ABCA12: variants seen among roughly 807,000 people sequenced by gnomAD.
ABCA12 encodes the protein ATP binding cassette subfamily A member 12, also known as glucosylceramide transporter ABCA12.
ABCA12 carries 156 observed loss-of-function variants against 293.5 expected under a neutral mutation model. The ratio of observed to expected loss-of-function variants is 0.53; its 90% CI spans 0.47 to 0.61. The LOEUF is 0.61. Among genes scored for constraint, ABCA12 ranks in the 20% least tolerant of loss-of-function variants. The probability of loss-of-function intolerance (pLI) is 0.00; values close to 1 mark genes in which losing one functional copy is unlikely to be tolerated. For missense variants in ABCA12, 2,797 were observed against 3,090.2 expected (o/e 0.91, Z 2.25); for synonymous variants, 1,063 against 1,108.0 (o/e 0.96, Z 0.81).
intron 2 of ABCA12, among the ~76,000 whole-genome samples, chr2:215,075,989 GT>G (rs1284511596): frequency 6.6e-6 from 1 of 152,174 alleles, no homozygotes; most frequent in Non-Finnish European, 1.5e-5. Context: ...CTCCTCAACA[GT>G]TTGTGTAATA....
chr2:214,975,799 C>T lies in ABCA12; in HGVS notation c.5367G>A (p.Gln1789=). 3.1e-6 allele frequency: 5 copies of T among 1,613,874 alleles called. No homozygotes were observed. The highest frequency in any genetic ancestry group is 4.2e-6 in the Non-Finnish European group (5 of 1,179,964). The change falls in exon 34 of 53, where the codon CAG becomes CAA. Residue 1789 remains glutamine, a synonymous_variant. Coordinates refer to ENST00000272895, the MANE Select transcript of ABCA12 (RefSeq NM_173076.3). ...ISPSLYGTSE[Q]TAFYANYHPS... ...AAGAAACTTACGCATAGAAGGCTGT[C>T]TGTTCGGAGGTACCATAAAGAGAGG...
intron 47 of ABCA12, 127 bp from the exon 48 acceptor site, chr2:214,947,683 GA>G (rs1427562206): frequency 1.9e-6 from 2 of 1,027,134 alleles, no homozygotes; most frequent in African/African-American, 1.6e-5. Context: ...GGAAAAAAAT[GA>G]AAACACTTAA....
At chr2:215,134,646 CAGAGAGAGAG>C (rs71399174) in intron 1 of ABCA12, among the ~76,000 whole-genome samples, 15 of 93,286 alleles carry the variant, frequency 1.6e-4, no homozygotes, top group Middle Eastern at 6.2e-3. Context: ...GAGAGACAAA[CAGAGAGAGAG>C]AGAGAGAGAG....
chr2:215,052,522 T>C lies in ABCA12; in HGVS notation c.472A>G (p.Ser158Gly). 1 of 1,612,768 alleles carries C rather than the reference T, an allele frequency of 6.2e-7. No individual in the cohort carries two copies. The highest frequency in any genetic ancestry group is 8.5e-7 in the Non-Finnish European group (1 of 1,179,052). The change falls in exon 5 of 53, where the codon AGT becomes GGT. Residue 158 changes from serine (S) to glycine (G), a missense_variant. Ser to Gly is a moderately conservative substitution (Grantham distance 56). This residue lies in a region of ABCA12 where 656 missense variants were observed against 638.2 expected (regional missense o/e 1.03). Coordinates refer to ENST00000272895, the MANE Select transcript of ABCA12 (RefSeq NM_173076.3). ...CCAAGAATTCGTGCGAGCACTTGAC[T>C]GCCATTGAAAGTATATGTTCCGGGG... is the stretch of plus-strand genomic sequence containing the variant. The part of the protein sequence containing the change: ...EIPGTYTFNG[S>G]QVLARILGLE...
chr2:214,933,857 A>G (rs1161107547), intron 52 of ABCA12, among the ~76,000 whole-genome samples: 1 of 152,164 alleles, frequency 6.6e-6, no homozygotes, highest in Non-Finnish European at 1.5e-5. Context: ...ATGGGTACAG[A>G]TGTCTTATCA....
At chr2:215,089,661 T>C (rs1165666363) in intron 2 of ABCA12, among the ~76,000 whole-genome samples, 2 of 152,182 alleles carry the variant, frequency 1.3e-5, no homozygotes, top group Non-Finnish European at 2.9e-5. Context: ...TCAGAGGATT[T>C]TTATCCATTG....
chr2:214,972,816 G>A (rs559071992), intron 36 of ABCA12, among the ~76,000 whole-genome samples: 2 of 152,100 alleles, frequency 1.3e-5, no homozygotes, highest in East Asian at 3.9e-4. Context: ...AGCTAAATTA[G>A]ATAAAGGATT....
chr2:214,996,637 C>A (rs1401959267), intron 23 of ABCA12, among the ~76,000 whole-genome samples: 1 of 152,088 alleles, frequency 6.6e-6, no homozygotes, highest in Middle Eastern at 3.2e-3. Context: ...CAAATTATAA[C>A]TGAAATATAA....
In ABCA12 at chr2:214,934,133, T is replaced by C; in HGVS notation, c.7625A>G (p.Asn2542Ser). The C allele has an allele frequency of 6.2e-7, 1 of 1,613,832 alleles. No homozygotes were observed. The highest frequency in any genetic ancestry group is 8.5e-7 in the Non-Finnish European group (1 of 1,179,808). The change falls in exon 52 of 53, where the codon AAC (asparagine) becomes AGC (serine). Residue 2542 changes from asparagine to serine, a missense_variant. Coordinates refer to ENST00000272895, the MANE Select transcript of ABCA12 (RefSeq NM_173076.3). ...ATTTGTAATATTTAAAGCAGTCTTGTTGGTTTCCAGCAGATCAAAAATGTT... is the reference window on the plus strand; with the variant it reads ...ATTTGTAATATTTAAAGCAGTCTTGCTGGTTTCCAGCAGATCAAAAATGTT... ...VANIFDLLETNKTALNITNFL... is the reference protein window; with the variant it reads ...VANIFDLLETSKTALNITNFL...
At position 214,932,714 on chromosome 2, in the gene ABCA12, T is replaced by TA; in HGVS notation, c.7707_7708insT (p.Lys2570Ter). Reference sequence around the variant, plus strand: ...CTGGTATCAGCAGTTTCATAGGACTTCTGGTCTTTGGCAAAGTTGATGAAA... The same window carrying TA: ...CTGGTATCAGCAGTTTCATAGGACTTACTGGTCTTTGGCAAAGTTGATGAAA... On this transcript the variant is annotated frameshift_variant, in exon 53 of 53. Transcript: ENST00000272895. LOFTEE classifies it high-confidence loss of function. 1 of 1,613,636 alleles carries TA rather than the reference T, an allele frequency of 6.2e-7. No homozygotes were observed. Among genetic ancestry groups the TA allele is most frequent in the Non-Finnish European group, 8.5e-7 (1 of 1,179,726 alleles).
At chr2:215,009,215 A>C (rs943406606) in intron 18 of ABCA12, among the ~76,000 whole-genome samples, 13 of 152,162 alleles carry the variant, frequency 8.5e-5, no homozygotes, top group African/African-American at 3.1e-4. Flanking sequence ...TTAGCAAACC[A>C]ACACAGGAAT....
rs775668709 is a variant in ABCA12 at position 215,019,629 on chromosome 2, G to T, written c.1455C>A (p.Ala485=). Residue 485 remains alanine (A), a synonymous_variant, in exon 12 of 53, where the codon GCC becomes GCA. Coordinates refer to ENST00000272895, the MANE Select transcript of ABCA12 (RefSeq NM_173076.3). ...EAAELGTEIA[A]SLLYHDNVIS... ...TGACATTGTCATGGTACAGTAAGCTGGCTGCTATTTCGGTGCCCAGCTCTG... is the reference window on the plus strand; with the variant it reads ...TGACATTGTCATGGTACAGTAAGCTTGCTGCTATTTCGGTGCCCAGCTCTG... 3.0e-5 allele frequency: 49 copies of T among 1,614,008 alleles called. No individual in the cohort carries two copies. Among genetic ancestry groups the T allele is most frequent in the Non-Finnish European group, 3.6e-5 (43 of 1,180,042 alleles).
intron 22 of ABCA12, chr2:214,999,669 A>G (rs902395561): frequency 6.8e-6 from 2 of 296,112 alleles, no homozygotes; most frequent in African/African-American, 4.5e-5. Flanking sequence ...GACCCCATAG[A>G]TCTTTATAAT....
intron 30 of ABCA12, among the ~76,000 whole-genome samples, chr2:214,980,954 G>C (rs545884444): frequency 6.6e-6 from 1 of 151,916 alleles, no homozygotes; most frequent in Non-Finnish European, 1.5e-5. Flanking sequence ...GTGTGGTGGC[G>C]GATGCCTATA....
chr2:215,044,060 C>T (rs1329143694), intron 7 of ABCA12, among the ~76,000 whole-genome samples: 1 of 141,606 alleles, frequency 7.1e-6, no homozygotes, highest in Non-Finnish European at 1.5e-5. Flanking sequence ...ATTTGTTTTG[C>T]CATTTTTTTA....
chr2:214,953,775 T>C (rs1054175934), intron 44 of ABCA12, 79 bp downstream of exon 44: 20 of 1,544,660 alleles, frequency 1.3e-5, no homozygotes, highest in Non-Finnish European at 1.6e-5. Flanking sequence ...TGGAAAAGCT[T>C]AGACTATTGA....
chr2:214,985,229 T>A (rs1699760424), intron 28 of ABCA12, among the ~76,000 whole-genome samples: 1 of 152,252 alleles, frequency 6.6e-6, no homozygotes, highest in Non-Finnish European at 1.5e-5. Flanking sequence ...TTCCTTTTCT[T>A]CATTAGCCTC....
chr2:215,095,167 A>G (rs1559191296), intron 2 of ABCA12, among the ~76,000 whole-genome samples: 1 of 152,142 alleles, frequency 6.6e-6, no homozygotes, highest in Non-Finnish European at 1.5e-5. Flanking sequence ...AAGACTCTAC[A>G]TTTTTAAATG....
chr2:214,932,390 A>G lies in ABCA12; in HGVS notation c.*244T>C. 1 of 497,280 alleles carries G rather than the reference A, an allele frequency of 2.0e-6. No homozygotes were observed. The highest frequency in any genetic ancestry group is 3.6e-6 in the Non-Finnish European group (1 of 275,592). 30.8% of individuals were successfully genotyped at this position (497,280 alleles called of 1,614,324 possible). A position where few individuals can be genotyped will look rare whatever the true frequency, so the allele number is the denominator to read the frequency against. On this transcript the variant is annotated 3_prime_UTR_variant, in exon 53 of 53. Coordinates refer to ENST00000272895, the MANE Select transcript of ABCA12 (RefSeq NM_173076.3). ...TCACCTTTGCATAAGAATCACCAGC[A>G]TATACATTAGCATGCTCACAGTGTT...
Sources: gnomAD v4.1 joint callset for allele counts (sites outside exome capture counted in the v4.1 genomes callset) on GRCh38, gnomAD v4.1.1 for gene constraint, gnomAD v4.1.1 regional missense constraint, MANE v1.5 for transcripts, NCBI Gene and HGNC (gene_info 2026-07-23, HGNC 2026-07-21) for gene names.